Variants in GPR137B observed in about 807,000 individuals in gnomAD.
GPR137B encodes the protein G protein-coupled receptor 137B, also known as integral membrane protein GPR137B.
GPR137B carries 42 observed loss-of-function variants against 42.5 expected under a neutral mutation model. The ratio of observed to expected loss-of-function variants is 0.99; its 90% CI spans 0.77 to 1.28. The LOEUF (loss-of-function observed/expected upper bound fraction) is 1.28, where lower values mean the gene tolerates loss of function less well. GPR137B is among the 50% of genes most tolerant of loss of function. The pLI, the probability that GPR137B is intolerant of heterozygous loss-of-function variation, is 0.00. For missense variants in GPR137B, 487 were observed against 493.9 expected, an observed-to-expected ratio of 0.99 and a Z score of 0.13; for synonymous variants, 218 against 209.7, an observed-to-expected ratio of 1.04 and a Z score of -0.34.
chr1:236,176,110 T>C (rs1035326507), intron 2 of GPR137B, among the ~76,000 whole-genome samples: 2 of 152,194 alleles, frequency 1.3e-5, no homozygotes, highest in Admixed American at 1.3e-4. Flanking sequence ...GCCCCTCTCA[T>C]GCCCACAGTC....
intron 5 of GPR137B, among the ~76,000 whole-genome samples, chr1:236,199,579 T>G (rs755274519): frequency 6.2e-4 from 94 of 150,874 alleles, no homozygotes; most frequent in Admixed American, 1.2e-3. Context: ...CTAGTTGTTA[T>G]GTTCAGTTTC....
chr1:236,152,394 C>A (rs1294938923), intron 1 of GPR137B, among the ~76,000 whole-genome samples: 1 of 151,720 alleles, frequency 6.6e-6, no homozygotes. Context: ...CTTGGGAGGT[C>A]AAGGCTGCAG....
intron 1 of GPR137B, among the ~76,000 whole-genome samples, chr1:236,149,307 C>T (rs982412953): frequency 6.6e-6 from 1 of 152,218 alleles, no homozygotes; most frequent in African/African-American, 2.4e-5. Flanking sequence ...AGCCCAGCCC[C>T]TCCTTTGCAG....
intron 4 of GPR137B, among the ~76,000 whole-genome samples, chr1:236,180,997 T>C (rs1484391866): frequency 6.6e-6 from 1 of 152,178 alleles, no homozygotes; most frequent in Non-Finnish European, 1.5e-5. Context: ...AGTAAGCAAA[T>C]TGTATTCAGA....
chr1:236,202,388 G>A (rs1413627618), intron 5 of GPR137B, among the ~76,000 whole-genome samples: 1 of 152,034 alleles, frequency 6.6e-6, no homozygotes, highest in East Asian at 1.9e-4. Flanking sequence ...CCAGGAGGTG[G>A]CACTTTCAAG....
intron 5 of GPR137B, among the ~76,000 whole-genome samples, chr1:236,198,405 C>T (rs1663400013): frequency 6.6e-6 from 1 of 151,648 alleles, no homozygotes; most frequent in Admixed American, 6.6e-5. Context: ...AGGGTTTTGC[C>T]ATGTTGTCCA....
At position 236,142,578 on chromosome 1, in the gene GPR137B, G is replaced by C; in HGVS notation, c.-45G>C. ...AGTCTCGGGGCTGCAGGCTGAGCGC[G>C]ATGCGCGGAGACCCCCGCGGGGGCG... On this transcript the variant is annotated 5_prime_UTR_variant, in exon 1 of 7. Coordinates refer to ENST00000366592, the MANE Select transcript of GPR137B (RefSeq NM_003272.4). 2 of 1,163,328 alleles carry C rather than the reference G, an allele frequency of 1.7e-6. No individual in the cohort carries two copies. Among genetic ancestry groups the C allele is most frequent in the Non-Finnish European group, 2.2e-6 (2 of 911,268 alleles). The allele number at this position is 1,163,328 out of a possible 1,614,324, so 72.1% of individuals were successfully genotyped here.
chr1:236,204,660 A>G (rs924595816), intron 5 of GPR137B, among the ~76,000 whole-genome samples: 2 of 152,076 alleles, frequency 1.3e-5, no homozygotes, highest in South Asian at 2.1e-4. Context: ...GGACAGAAGA[A>G]CTGAAGAAAA....
At chr1:236,160,630 C>T (rs549853077) in intron 1 of GPR137B, among the ~76,000 whole-genome samples, 43 of 152,328 alleles carry the variant, frequency 2.8e-4, no homozygotes, top group Admixed American at 2.3e-3. Flanking sequence ...CACAAACATG[C>T]GCTTTTGGAA....
intron 5 of GPR137B, among the ~76,000 whole-genome samples, chr1:236,194,466 T>A (rs1156570429): frequency 1.3e-5 from 2 of 152,216 alleles, no homozygotes; most frequent in African/African-American, 4.8e-5. Flanking sequence ...ACTTTGCTCC[T>A]TATGTTTGGC....
Position 236,187,035 on chromosome 1 carries a change from C to T in GPR137B, c.966+3129C>T, listed in dbSNP as rs377689107. On this transcript the variant is annotated intron_variant, in intron 5 of 6. Coordinates refer to ENST00000366592, the MANE Select transcript of GPR137B (RefSeq NM_003272.4). ...TGTTGTTTCCTGACTTTTTAATGAT[C>T]GCCATTCTAACTGCTGTGAGATGGT... Among the ~76,000 whole-genome samples, 7 of 152,228 alleles carry T rather than the reference C, an allele frequency of 4.6e-5. No homozygotes were observed. In the East Asian group the frequency reaches 5.8e-4, roughly 13 times the overall value.
At chr1:236,179,618 C>T (rs139892009) in intron 3 of GPR137B, among the ~76,000 whole-genome samples, 2 of 152,286 alleles carry the variant, frequency 1.3e-5, no homozygotes, top group African/African-American at 2.4e-5. Context: ...CTTTCTTGCT[C>T]GTACACTCTA....
rs1016593008 is a variant in GPR137B, at chr1:236,171,768, G to A, written c.464+3013G>A. 2.0e-5 allele frequency among the ~76,000 whole-genome samples: 3 copies of A among 152,170 alleles called. No homozygotes were observed. The highest frequency in any genetic ancestry group is 4.1e-4 in the South Asian group (2 of 4,828). ...GTTAAAAGTGAGATGTTTGGGACTG[G>A]GCGCGGTGGCTCATGCCTGTAATCC... On this transcript the variant is annotated intron_variant, in intron 2 of 6. Coordinates refer to ENST00000366592, the MANE Select transcript of GPR137B (RefSeq NM_003272.4). This position sits in a 1 kb window ranked among gnomAD's most constrained non-coding sequence, Gnocchi z 4.4.
intron 1 of GPR137B, among the ~76,000 whole-genome samples, chr1:236,151,463 C>T (rs984763560): frequency 1.4e-4 from 19 of 132,466 alleles, no homozygotes; most frequent in African/African-American, 5.3e-4. Flanking sequence ...CTTGCTCTGT[C>T]GCCAAGCTGG....
intron 1 of GPR137B, among the ~76,000 whole-genome samples, chr1:236,152,735 CAAG>C (rs1465417200): frequency 2.6e-5 from 4 of 151,702 alleles, no homozygotes; most frequent in Non-Finnish European, 5.9e-5. Flanking sequence ...ACCTGGGTGA[CAAG>C]AGTGAAACTC....
In GPR137B at chr1:236,180,025, C is replaced by G; in HGVS notation, c.834C>G (p.Asp278Glu). The change falls in exon 4 of 7, where the codon GAC becomes GAG. Residue 278 changes from aspartate (D) to glutamate (E), a missense_variant. Asp to Glu is a conservative substitution (Grantham distance 45). Transcript: ENST00000366592. Reference sequence around the variant, plus strand: ...ATTATGACTGGTACAATGTATCAGACCAGGTCAGTGGGGGCGCTGAGGAGG... The same window carrying G: ...ATTATGACTGGTACAATGTATCAGAGCAGGTCAGTGGGGGCGCTGAGGAGG... ...SFDYDWYNVSDQADLKNQLGD... is the reference protein window; with the variant it reads ...SFDYDWYNVSEQADLKNQLGD... The G allele has an allele frequency of 6.2e-7, 1 of 1,613,250 alleles. No individual in the cohort carries two copies. Among genetic ancestry groups the G allele is most frequent in the Non-Finnish European group, 8.5e-7 (1 of 1,179,262 alleles).
At chr1:236,157,325 G>T (rs1204712578) in intron 1 of GPR137B, among the ~76,000 whole-genome samples, 2 of 151,530 alleles carry the variant, frequency 1.3e-5, no homozygotes, top group East Asian at 3.9e-4. Flanking sequence ...CCTGGTTCAC[G>T]CCATTCTCCT....
intron 1 of GPR137B, among the ~76,000 whole-genome samples, chr1:236,165,232 A>G (rs1294840069): frequency 6.6e-6 from 1 of 152,218 alleles, no homozygotes; most frequent in African/African-American, 2.4e-5. Flanking sequence ...GCCACAAATT[A>G]TAAGAAGTGG....
intron 1 of GPR137B, among the ~76,000 whole-genome samples, chr1:236,147,377 C>T (rs1313335734): frequency 6.6e-6 from 1 of 152,256 alleles, no homozygotes; most frequent in African/African-American, 2.4e-5. Context: ...TTCCTAGCCC[C>T]ATCTTTGGTC....
Sources: allele counts gnomAD v4.1 joint callset (sites outside exome capture counted in the v4.1 genomes callset), GRCh38; gene constraint gnomAD v4.1.1; non-coding constraint Gnocchi (gnomAD v3.1); transcripts MANE v1.5; gene names NCBI Gene and HGNC (gene_info 2026-07-23, HGNC 2026-07-21).